PCNT: variants seen among roughly 807,000 people sequenced by gnomAD.
The protein encoded by PCNT is kendrin.
In PCNT, 319 loss-of-function variants were observed where a neutral mutation model predicts 380.4. The ratio of observed to expected loss-of-function variants is 0.84; its 90% CI spans 0.77 to 0.92. The LOEUF is 0.92. Among genes scored for constraint, PCNT ranks in the 40% least tolerant of loss-of-function variants. The pLI, the probability that PCNT is intolerant of heterozygous loss-of-function variation, is 0.00. For missense variants in PCNT, 4,400 were observed against 4,255.3 expected, an observed-to-expected ratio of 1.03 and a Z score of -0.95; for synonymous variants, 1,845 against 1,735.2, an observed-to-expected ratio of 1.06 and a Z score of -1.57.
intron 3 of PCNT, among the ~76,000 whole-genome samples, chr21:46,338,336 T>C (rs1258785917): frequency 1.3e-5 from 2 of 151,554 alleles, no homozygotes; most frequent in Non-Finnish European, 3.0e-5. Context: ...TGGCAACCAG[T>C]GGTCTGTTTT....
At position 46,378,889 on chromosome 21, in the gene PCNT, C is replaced by T. The variant is rs547172442; in HGVS notation, c.3166-2805C>T. On this transcript the variant is annotated intron_variant, in intron 15 of 46. Coordinates refer to ENST00000359568, the MANE Select transcript of PCNT (RefSeq NM_006031.6). ...CCACATCTTTCTATCTTTTTGTGCTCGTTACTTTATGCACGTGTCTTTTAA... is the reference window on the plus strand; with the variant it reads ...CCACATCTTTCTATCTTTTTGTGCTTGTTACTTTATGCACGTGTCTTTTAA... Among the ~76,000 whole-genome samples the T allele has an allele frequency of 2.4e-4, 37 of 152,196 alleles. No individual in the cohort carries two copies. The East Asian group carries it at 4.2e-3, about 17-fold the overall frequency.
rs748937729 is a variant in PCNT, at chr21:46,437,085, A to T, written c.9099+4A>T. On this transcript the variant is annotated splice_donor_region_variant and intron_variant, in intron 40 of 46. Coordinates refer to ENST00000359568, the MANE Select transcript of PCNT (RefSeq NM_006031.6). ...GAGCAGGCCCACCTCCTCCCAGGTA[A>T]GGGGTGAGCGCCCCCAGGTCCCTGG... is the stretch of plus-strand genomic sequence containing the variant. 24 of 1,608,450 alleles carry T rather than the reference A, an allele frequency of 1.5e-5. No homozygotes were observed. The highest frequency in any genetic ancestry group is 1.9e-5 in the Non-Finnish European group (22 of 1,175,428).
Position 46,411,364 on chromosome 21 carries a change from G to C in PCNT, c.5291G>C (p.Ser1764Thr). 3 of 1,614,122 alleles carry C rather than the reference G, an allele frequency of 1.9e-6. No individual in the cohort carries two copies. Among genetic ancestry groups the C allele is most frequent in the Non-Finnish European group, 2.5e-6 (3 of 1,180,036 alleles). ...SLMGPVVHEV[S>T]DSQAGSLQSE... ...ATGGGGCCTGTGGTGCACGAAGTCAGCGACAGTCAGGCTGGCAGTCTGCAG... is the reference window on the plus strand; with the variant it reads ...ATGGGGCCTGTGGTGCACGAAGTCACCGACAGTCAGGCTGGCAGTCTGCAG... The change falls in exon 28 of 47, where the codon AGC (serine) becomes ACC (threonine). Residue 1764 changes from serine to threonine, a missense_variant. By Grantham distance (58) the Ser-to-Thr change is moderately conservative (BLOSUM62 1). Coordinates refer to ENST00000359568, the MANE Select transcript of PCNT (RefSeq NM_006031.6).
chr21:46,415,527 GGCACCC>G (rs758717411), intron 29 of PCNT, among the ~76,000 whole-genome samples: 14 of 151,930 alleles, frequency 9.2e-5, no homozygotes, highest in Non-Finnish European at 1.6e-4. Flanking sequence ...TAGGATTACA[GGCACCC>G]GCCACCATGC....
At chr21:46,355,663 C>A (rs1292451524) in intron 12 of PCNT, 37 bp downstream of exon 12, 1 of 1,608,994 alleles carries the variant, frequency 6.2e-7, no homozygotes, top group Non-Finnish European at 8.5e-7. Context: ...GTCGGCAGGT[C>A]CCGGGTCTGG....
intron 31 of PCNT, 24 bp downstream of exon 31, chr21:46,418,330 T>A (rs761868311): frequency 2.2e-6 from 3 of 1,335,032 alleles, no homozygotes; most frequent in Admixed American, 3.4e-5. Context: ...CTTTCATTTT[T>A]AATTTTTTAT....
At chr21:46,329,427 T>C (rs907486485) in intron 2 of PCNT, among the ~76,000 whole-genome samples, 6 of 152,382 alleles carry the variant, frequency 3.9e-5, no homozygotes, top group East Asian at 3.9e-4. Context: ...TTCGTTGTTA[T>C]GGTTTTTGGT....
At position 46,346,200 on chromosome 21, in the gene PCNT, C is replaced by A; in HGVS notation, c.712C>A (p.Gln238Lys). Residue 238 changes from glutamine to lysine, a missense_variant, in exon 4 of 47, where the codon CAG becomes AAG. Gln to Lys is a moderately conservative substitution (Grantham distance 53). Coordinates refer to ENST00000359568, the MANE Select transcript of PCNT (RefSeq NM_006031.6). ...SGREDEAGLH[Q>K]SQAVHGLELE... ...CCGTGAAGATGAGGCTGGCCTGCAT[C>A]AGAGTCAGGTGACCCGGCGGGGCCT... The A allele has an allele frequency of 2.5e-6, 4 of 1,613,140 alleles. No individual in the cohort carries two copies. The highest frequency in any genetic ancestry group is 3.4e-6 in the Non-Finnish European group (4 of 1,179,514).
At chr21:46,335,460 C>T (rs2083703522) in intron 3 of PCNT, among the ~76,000 whole-genome samples, 1 of 152,064 alleles carries the variant, frequency 6.6e-6, no homozygotes, top group Non-Finnish European at 1.5e-5. Context: ...CTTTGGGAGG[C>T]CGAGGTGGGC....
At chr21:46,324,394 G>A (rs748912197) in intron 1 of PCNT, 112 bp downstream of exon 1, 73 of 942,628 alleles carry the variant, frequency 7.7e-5, no homozygotes, top group Non-Finnish European at 1.1e-4. Flanking sequence ...GGAAGCCGCC[G>A]CGGAGGTCTC....
intron 44 of PCNT, 145 bp from the exon 45 acceptor site, chr21:46,443,665 G>A: frequency 1.2e-6 from 1 of 803,872 alleles, no homozygotes. Flanking sequence ...AAAAGATATT[G>A]TACCTTGAGC....
chr21:46,362,330 T>G (rs1053388694), intron 13 of PCNT, among the ~76,000 whole-genome samples: 19 of 152,216 alleles, frequency 1.2e-4, no homozygotes, highest in Non-Finnish European at 1.2e-4. Context: ...GATACTACTC[T>G]TAGTGAAAAG....
In PCNT at chr21:46,425,720, A is replaced by G; in HGVS notation, c.7180-111A>G. 6.6e-7 allele frequency: 1 copy of G among 1,514,128 alleles called. No individual in the cohort carries two copies. Among genetic ancestry groups the G allele is most frequent in the East Asian group, 2.3e-5 (1 of 44,228 alleles). 93.8% of individuals were successfully genotyped at this position (1,514,128 alleles called of 1,614,324 possible). On this transcript the variant is annotated intron_variant, in intron 32 of 46. Coordinates refer to ENST00000359568, the MANE Select transcript of PCNT (RefSeq NM_006031.6). This position sits in a 1 kb window ranked among gnomAD's most constrained non-coding sequence, Gnocchi z 4.2. ...CCGAGGCGGTGCCCTCCCTCTCCAC[A>G]GCTGCCCGCCCTTCACAGAGTCCTG...
chr21:46,429,222 GCTGTGCA>G (rs1434860043), intron 35 of PCNT, among the ~76,000 whole-genome samples: 1 of 151,678 alleles, frequency 6.6e-6, no homozygotes, highest in Admixed American at 6.6e-5. Flanking sequence ...GGGGGCCGGC[GCTGTGCA>G]CATGCTCGTG....
In PCNT at chr21:46,425,839, G is replaced by A. The variant is rs146476538; in HGVS notation, c.7188G>A (p.Leu2396=). The change falls in exon 33 of 47, where the codon CTG becomes CTA. Residue 2396 remains leucine, a synonymous_variant. Coordinates refer to ENST00000359568, the MANE Select transcript of PCNT (RefSeq NM_006031.6). This position sits in a 1 kb window ranked among gnomAD's most constrained non-coding sequence, Gnocchi z 4.2. Reference sequence around the variant, plus strand: ...GCGCTTTCCCGCCACAGGCTTTACTGCAGATGGTGCGTGACGAGAGCCACC... The same window carrying A: ...GCGCTTTCCCGCCACAGGCTTTACTACAGATGGTGCGTGACGAGAGCCACC... ...EVRPKHVKAL[L]QMVRDESHQI... 51 of 1,613,540 alleles carry A rather than the reference G, an allele frequency of 3.2e-5. No individual in the cohort carries two copies. The highest frequency in any genetic ancestry group is 4.2e-5 in the Non-Finnish European group (50 of 1,180,034).
rs759935874 is a variant in PCNT, at chr21:46,412,945, C to T, written c.6103C>T (p.Leu2035Phe). The change falls in exon 29 of 47, where the codon CTC (leucine) becomes TTC (phenylalanine). Residue 2035 changes from leucine to phenylalanine, a missense_variant. Coordinates refer to ENST00000359568, the MANE Select transcript of PCNT (RefSeq NM_006031.6). ...VCQRQLQSEL[L>F]LVKNEMRLSL... The stretch of plus-strand genomic sequence containing the variant: ...CCAGAGGCAGCTGCAGTCGGAGCTG[C>T]TCTTGGTGAAAAATGAAATGCGCCT... The T allele has an allele frequency of 1.9e-6, 3 of 1,611,550 alleles. No individual in the cohort carries two copies. The Admixed American group carries it at 5.0e-5, about 27-fold the overall frequency.
In PCNT at chr21:46,394,573, G is replaced by A. The variant is rs924595346; in HGVS notation, c.4217-2692G>A. ...CAAACGATTGATTTGTGTGTGACGT[G>A]CTGTTTGTTTGCACTGGATTTTGCA... On this transcript the variant is annotated intron_variant, in intron 21 of 46. Transcript: ENST00000359568. 3.1e-6 allele frequency: 3 copies of A among 977,794 alleles called. No homozygotes were observed. In the Admixed American group the frequency reaches 1.8e-4, roughly 60 times the overall value. 60.6% of individuals were successfully genotyped at this position (977,794 alleles called of 1,614,324 possible). A position where few individuals can be genotyped will look rare whatever the true frequency, so the allele number is the denominator to read the frequency against.
At chr21:46,364,812 C>T (rs1263589311) in intron 14 of PCNT, among the ~76,000 whole-genome samples, 3 of 152,226 alleles carry the variant, frequency 2.0e-5, no homozygotes, top group Non-Finnish European at 4.4e-5. Context: ...ACGTTCAGGT[C>T]GCTGGGGCTG....
intron 21 of PCNT, among the ~76,000 whole-genome samples, chr21:46,393,166 A>T (rs2086091265): frequency 6.6e-6 from 1 of 152,136 alleles, no homozygotes. Context: ...CTGTGTGTCC[A>T]CAGGGGGAGT....
Sources: allele counts gnomAD v4.1 joint callset (sites outside exome capture counted in the v4.1 genomes callset), GRCh38; gene constraint gnomAD v4.1.1; non-coding constraint Gnocchi (gnomAD v3.1); transcripts MANE v1.5; gene names NCBI Gene and HGNC (gene_info 2026-07-23, HGNC 2026-07-21).